Variants in PCDH17 observed in about 807,000 individuals in gnomAD.
PCDH17 encodes the protein protocadherin-17.
PCDH17 carries 21 observed loss-of-function variants against 67.7 expected under a neutral mutation model. That is an observed-to-expected ratio of 0.31 (90% CI 0.22 to 0.45). The LOEUF (loss-of-function observed/expected upper bound fraction) is 0.45. Among genes scored for constraint, PCDH17 ranks in the 20% least tolerant of loss-of-function variants. The pLI, the probability that PCDH17 is intolerant of heterozygous loss-of-function variation, is 1.00. For synonymous variants in PCDH17, 701 were observed against 656.7 expected, an observed-to-expected ratio of 1.07 and a Z score of -1.03; for missense variants, 1,471 against 1,564.8, an observed-to-expected ratio of 0.94 and a Z score of 1.01.
At chr13:57,715,665 G>A (rs1593948951) in intron 3 of PCDH17, among the ~76,000 whole-genome samples, 1 of 151,778 alleles carries the variant, frequency 6.6e-6, no homozygotes, top group African/African-American at 2.4e-5. Context: ...TATCAAATAT[G>A]AAAACTGTTC....
At chr13:57,720,134 A>G (rs1955860562) in intron 3 of PCDH17, among the ~76,000 whole-genome samples, 1 of 152,078 alleles carries the variant, frequency 6.6e-6, no homozygotes, top group Admixed American at 6.6e-5. Context: ...ATCTGAAGGT[A>G]TATTTTGTCA....
chr13:57,673,629 A>C (rs1389977981), intron 3 of PCDH17, among the ~76,000 whole-genome samples: 1 of 152,012 alleles, frequency 6.6e-6, no homozygotes, highest in Non-Finnish European at 1.5e-5. Flanking sequence ...TTAGGAAGGA[A>C]ATAGAAAATT....
chr13:57,638,845 T>C (rs1323334574), intron 1 of PCDH17, among the ~76,000 whole-genome samples: 2 of 152,026 alleles, frequency 1.3e-5, no homozygotes, highest in Admixed American at 1.3e-4. Flanking sequence ...TGTATGCCTT[T>C]ATTCCCACTT....
At chr13:57,677,266 T>A (rs1359675411) in intron 3 of PCDH17, among the ~76,000 whole-genome samples, 2 of 151,820 alleles carry the variant, frequency 1.3e-5, no homozygotes, top group Admixed American at 1.3e-4. Flanking sequence ...GTAATGAAAA[T>A]GAAATATATA....
chr13:57,675,376 A>G (rs887858598), intron 3 of PCDH17, among the ~76,000 whole-genome samples: 14 of 151,952 alleles, frequency 9.2e-5, no homozygotes, highest in African/African-American at 3.4e-4. Context: ...TCACTGTTTT[A>G]AAATAAACAG....
chr13:57,651,336 A>G (rs1464313752), intron 1 of PCDH17, among the ~76,000 whole-genome samples: 4 of 148,356 alleles, frequency 2.7e-5, no homozygotes, highest in Admixed American at 2.7e-4. Flanking sequence ...ACTCTCTGAT[A>G]GATAGGTGGT....
chr13:57,719,744 T>C (rs925039947), intron 3 of PCDH17, among the ~76,000 whole-genome samples: 2 of 152,132 alleles, frequency 1.3e-5, no homozygotes, highest in Admixed American at 6.6e-5. Context: ...AAGTAAGACT[T>C]TTTTGGCTGG....
chr13:57,647,735 T>A (rs1416339726), intron 1 of PCDH17, among the ~76,000 whole-genome samples: 3 of 151,900 alleles, frequency 2.0e-5, no homozygotes, highest in African/African-American at 4.8e-5. Flanking sequence ...ATGTTGATTT[T>A]CTTTTATATA....
intron 1 of PCDH17, among the ~76,000 whole-genome samples, chr13:57,638,235 T>C (rs554440063): frequency 3.9e-5 from 6 of 152,218 alleles, no homozygotes; most frequent in African/African-American, 1.4e-4. Flanking sequence ...GTGAATTATT[T>C]TATGTGTTAA....
chr13:57,643,302 A>T (rs749078771), intron 1 of PCDH17, among the ~76,000 whole-genome samples: 1 of 151,658 alleles, frequency 6.6e-6, no homozygotes, highest in Admixed American at 6.6e-5. Context: ...AAATTTTAGC[A>T]AAATATAATA....
chr13:57,650,753 A>T (rs577524313), intron 1 of PCDH17, among the ~76,000 whole-genome samples: 44 of 152,174 alleles, frequency 2.9e-4, no homozygotes, highest in Non-Finnish European at 6.3e-4. Context: ...GTGGACTGAA[A>T]ATAGAGAAAG....
chr13:57,713,279 A>T (rs7334459), intron 3 of PCDH17, among the ~76,000 whole-genome samples: 4,380 of 151,800 alleles, frequency 0.029, 199 homozygotes, highest in African/African-American at 0.099. Flanking sequence ...CTGTATATTT[A>T]CTTTAGAACA....
intron 3 of PCDH17, among the ~76,000 whole-genome samples, chr13:57,689,687 T>C (rs1321073709): frequency 1.3e-5 from 2 of 151,998 alleles, no homozygotes; most frequent in Non-Finnish European, 2.9e-5. Flanking sequence ...ATTCCAAATA[T>C]ATAATTTGTG....
At chr13:57,690,475 G>C (rs146734119) in intron 3 of PCDH17, among the ~76,000 whole-genome samples, 196 of 151,770 alleles carry the variant, frequency 1.3e-3, no homozygotes, top group African/African-American at 4.0e-3. Flanking sequence ...AGAATGTAAA[G>C]AGATCATTTA....
chr13:57,709,042 A>G (rs1215086534), intron 3 of PCDH17, among the ~76,000 whole-genome samples: 1 of 151,618 alleles, frequency 6.6e-6, no homozygotes, highest in African/African-American at 2.4e-5. Context: ...TTAATTTTGT[A>G]TTACATACAT....
intron 1 of PCDH17, among the ~76,000 whole-genome samples, chr13:57,635,783 G>T (rs1954815840): frequency 6.6e-6 from 1 of 152,172 alleles, no homozygotes; most frequent in East Asian, 1.9e-4. Context: ...TGAAAAGTTT[G>T]AATACATGCA....
At chr13:57,673,300 T>TTATC (rs972716695) in intron 3 of PCDH17, among the ~76,000 whole-genome samples, 48 of 152,008 alleles carry the variant, frequency 3.2e-4, no homozygotes, top group African/African-American at 1.2e-3. Context: ...AATTCCTTTG[T>TTATC]TATCTTGCTA....
At chr13:57,678,972 G>T (rs539943898) in intron 3 of PCDH17, among the ~76,000 whole-genome samples, 3 of 151,350 alleles carry the variant, frequency 2.0e-5, no homozygotes, top group African/African-American at 7.3e-5. Context: ...ACATTATGTA[G>T]CATTTCCACT....
Position 57,728,246 on chromosome 13 carries a change from C to T in PCDH17, c.*2952C>T, listed in dbSNP as rs995257311. 6.6e-6 allele frequency: 1 copy of T among 152,460 alleles called. No individual in the cohort carries two copies. The highest frequency in any genetic ancestry group is 1.5e-5 in the Non-Finnish European group (1 of 67,986). The allele number at this position is 152,460 out of a possible 1,614,324, so 9.4% of individuals were successfully genotyped here. A position where few individuals can be genotyped will look rare whatever the true frequency, so the allele number is the denominator to read the frequency against. On this transcript the variant is annotated 3_prime_UTR_variant, in exon 4 of 4. Transcript: ENST00000377918. ...AAGCCTATGAGATGCCAAAATCACA[C>T]CTTTAGAGAGCACCTTGCTCTAATA...
Sources: allele counts gnomAD v4.1 joint callset (sites outside exome capture counted in the v4.1 genomes callset), GRCh38; gene constraint gnomAD v4.1.1; transcripts MANE v1.5; gene names NCBI Gene and HGNC (gene_info 2026-07-23, HGNC 2026-07-21).